IFT80: variants seen among roughly 807,000 people sequenced by gnomAD.
The protein encoded by IFT80 is intraflagellar transport protein 80 homolog.
In IFT80, 79 loss-of-function variants were observed where a neutral mutation model predicts 107.9. The observed-to-expected ratio is 0.73, with a 90% CI of 0.61 to 0.88. The LOEUF (loss-of-function observed/expected upper bound fraction) is 0.88. Ranked by LOEUF, IFT80 falls within the 40% of genes least tolerant of loss-of-function variation. The pLI is 0.00. For missense variants in IFT80, 797 were observed against 914.2 expected, an observed-to-expected ratio of 0.87 and a Z score of 1.65; for synonymous variants, 299 against 300.9, an observed-to-expected ratio of 0.99 and a Z score of 0.07.
chr3:160,362,920 G>A (rs971817404), intron 6 of IFT80, among the ~76,000 whole-genome samples: 1 of 152,138 alleles, frequency 6.6e-6, no homozygotes, highest in African/African-American at 2.4e-5. Flanking sequence ...CATACTGAAT[G>A]GGCAAAAACT....
chr3:160,277,513 T>A (rs1020263858), intron 17 of IFT80, 35 bp from the exon 18 acceptor site: 1 of 1,570,600 alleles, frequency 6.4e-7, no homozygotes, highest in Non-Finnish European at 8.8e-7. Context: ...AAGTAGATAG[T>A]AACAGAAATA....
chr3:160,329,078 T>C (rs923486030), intron 8 of IFT80, among the ~76,000 whole-genome samples: 11 of 152,064 alleles, frequency 7.2e-5, no homozygotes, highest in African/African-American at 2.2e-4. Context: ...AAATAATCTG[T>C]ACAACAAACT....
chr3:160,394,040 A>C (rs1381943713), intron 1 of IFT80: 1 of 152,246 alleles, frequency 6.6e-6, no homozygotes, highest in Non-Finnish European at 1.5e-5. Flanking sequence ...TCTCCAATAG[A>C]GAAAGAAGAA....
intron 8 of IFT80, among the ~76,000 whole-genome samples, chr3:160,335,920 G>A (rs1719431555): frequency 6.6e-6 from 1 of 152,068 alleles, no homozygotes; most frequent in Admixed American, 6.6e-5. Flanking sequence ...GTGGCCTTTT[G>A]TGTCTGCCTT....
intron 9 of IFT80, among the ~76,000 whole-genome samples, chr3:160,308,525 G>A (rs375550829): frequency 6.6e-6 from 1 of 152,052 alleles, no homozygotes; most frequent in Non-Finnish European, 1.5e-5. Context: ...CGTATCTCTG[G>A]TCAATAAAAG....
chr3:160,319,390 T>C (rs913666692), intron 9 of IFT80, among the ~76,000 whole-genome samples: 1 of 152,028 alleles, frequency 6.6e-6, no homozygotes, highest in Non-Finnish European at 1.5e-5. Flanking sequence ...AGTAAAACAA[T>C]TAACCCTGTC....
At chr3:160,362,447 G>T (rs1415355538) in intron 6 of IFT80, among the ~76,000 whole-genome samples, 1 of 152,166 alleles carries the variant, frequency 6.6e-6, no homozygotes, top group Non-Finnish European at 1.5e-5. Flanking sequence ...GGTACAAAGA[G>T]GAGCTGGAAC....
chr3:160,339,944 G>A (rs2108332032), intron 8 of IFT80, among the ~76,000 whole-genome samples: 1 of 152,252 alleles, frequency 6.6e-6, no homozygotes, highest in South Asian at 2.1e-4. Flanking sequence ...TTTAGCTGTG[G>A]GCAAATATCA....
rs571228432 is a variant in IFT80, at chr3:160,341,660, A to G, written c.777+14353T>C. Among the ~76,000 whole-genome samples the G allele has an allele frequency of 1.9e-3, 295 of 152,250 alleles. 1 individual carries two copies. Among genetic ancestry groups the G allele is most frequent in the Middle Eastern group, 6.8e-3 (2 of 294 alleles). ...TTACTGCTCTCTCAAATAAAAAAAA[A>G]TGTACACTTTAGAGTTGTTAACACT... is the stretch of plus-strand genomic sequence containing the variant. On this transcript the variant is annotated intron_variant, in intron 8 of 19. Coordinates refer to ENST00000326448, the MANE Select transcript of IFT80 (RefSeq NM_020800.3).
intron 2 of IFT80, among the ~76,000 whole-genome samples, chr3:160,381,959 G>C (rs1712551424): frequency 6.6e-6 from 1 of 152,072 alleles, no homozygotes; most frequent in South Asian, 2.1e-4. Flanking sequence ...AGGTGGGGGA[G>C]AAAAGATCTG....
Position 160,381,642 on chromosome 3 carries a change from C to G in IFT80, c.120G>C (p.Trp40Cys), listed in dbSNP as rs11707242. 6.2e-7 allele frequency: 1 copy of G among 1,612,572 alleles called. No homozygotes were observed. The highest frequency in any genetic ancestry group is 1.1e-5 in the South Asian group (1 of 91,002). Residue 40 changes from tryptophan (W) to cysteine (C), a missense_variant, in exon 3 of 20, where the codon TGG (tryptophan) becomes TGC (cysteine). Trp to Cys is a radical substitution (Grantham distance 215, BLOSUM62 -2). Transcript: ENST00000326448. ...SCSDDHQIVK[W>C]NLLTSETTQI... is the part of the protein sequence containing the mutation. ...GAGTTGTTTCACTGGTTAACAAGTT[C>G]CACTTCACTATCTGGTGATCATCAC...
chr3:160,316,812 T>C (rs1717856824), intron 9 of IFT80, among the ~76,000 whole-genome samples: 1 of 152,126 alleles, frequency 6.6e-6, no homozygotes, highest in Non-Finnish European at 1.5e-5. Flanking sequence ...TCCGCTGAAC[T>C]TGGAGTTGGT....
intron 5 of IFT80, among the ~76,000 whole-genome samples, chr3:160,374,568 G>T (rs557463702): frequency 4.6e-5 from 7 of 152,190 alleles, no homozygotes; most frequent in Non-Finnish European, 1.0e-4. Flanking sequence ...CACTTCAGCT[G>T]CTGCACACTG....
At chr3:160,266,347 C>A (rs994030684) in intron 19 of IFT80, among the ~76,000 whole-genome samples, 3 of 148,874 alleles carry the variant, frequency 2.0e-5, no homozygotes, top group African/African-American at 7.4e-5. Context: ...CCTCCCCCCC[C>A]CTTCTTTCCT....
chr3:160,313,258 T>C (rs1717551218), intron 9 of IFT80, among the ~76,000 whole-genome samples: 1 of 149,244 alleles, frequency 6.7e-6, no homozygotes, highest in South Asian at 2.1e-4. Context: ...AGTAGAATGA[T>C]ATAAAAACTT....
At chr3:160,295,947 T>A (rs1576767302) in intron 12 of IFT80, among the ~76,000 whole-genome samples, 1 of 152,102 alleles carries the variant, frequency 6.6e-6, no homozygotes, top group East Asian at 1.9e-4. Flanking sequence ...ACTAAAATAG[T>A]CAAATTTATT....
intron 6 of IFT80, among the ~76,000 whole-genome samples, chr3:160,361,932 C>A (rs369513891): frequency 2.0e-5 from 3 of 152,086 alleles, no homozygotes; most frequent in Admixed American, 1.3e-4. Context: ...CAGGAAAGAT[C>A]TAAAATTGAC....
chr3:160,318,803 G>A (rs1328853913), intron 9 of IFT80, among the ~76,000 whole-genome samples: 1 of 152,006 alleles, frequency 6.6e-6, no homozygotes, highest in Non-Finnish European at 1.5e-5. Context: ...AGCAGCAGGA[G>A]GTCAGTCTGA....
chr3:160,279,563 C>G (rs1714529153), intron 15 of IFT80, among the ~76,000 whole-genome samples, 199 bp from the exon 16 acceptor site: 2 of 151,992 alleles, frequency 1.3e-5, no homozygotes, highest in Non-Finnish European at 2.9e-5. Context: ...ACATATTCTC[C>G]CTGGAATTAA....
Sources: allele counts gnomAD v4.1 joint callset (sites outside exome capture counted in the v4.1 genomes callset), GRCh38; gene constraint gnomAD v4.1.1; transcripts MANE v1.5; gene names NCBI Gene and HGNC (gene_info 2026-07-23, HGNC 2026-07-21).